VTI1A: variants seen among roughly 807,000 people sequenced by gnomAD.
VTI1A encodes the protein vesicle transport through interaction with t-SNAREs homolog 1A.
VTI1A carries 22 observed loss-of-function variants against 34.9 expected under a neutral mutation model. The observed-to-expected ratio is 0.63, with a 90% CI of 0.45 to 0.90. The LOEUF is 0.90. Ranked by LOEUF, VTI1A falls within the 40% of genes least tolerant of loss-of-function variation. The probability of loss-of-function intolerance (pLI) is 0.00; values close to 1 mark genes in which losing one functional copy is unlikely to be tolerated. For missense variants in VTI1A, 268 were observed against 275.6 expected (o/e 0.97, Z 0.20); for synonymous variants, 87 against 97.3 (o/e 0.89, Z 0.62).
intron 5 of VTI1A, among the ~76,000 whole-genome samples, chr10:112,618,514 T>TAGAGAGAGAGAGAGAGAG (rs1418805647): frequency 1.2e-4 from 5 of 42,518 alleles, no homozygotes; most frequent in East Asian, 9.3e-4. Flanking sequence ...TATATATATA[T>TAGAGAGAGAGAGAGAGAG]ATATATATAT....
chr10:112,790,636 T>C (rs2134054775), intron 7 of VTI1A, among the ~76,000 whole-genome samples: 1 of 152,292 alleles, frequency 6.6e-6, no homozygotes, highest in East Asian at 1.9e-4. Context: ...GGTAAAACCA[T>C]CATTCTAGCC....
At chr10:112,838,355 C>T in the VTI1A span, among the ~76,000 whole-genome samples, 1 of 152,168 alleles carries the variant, frequency 6.6e-6, no homozygotes, top group Non-Finnish European at 1.5e-5. Context: ...GCCTTCTGCA[C>T]AGACTGGGCA....
intron 1 of VTI1A, chr10:112,450,318 C>T (rs1847189561): frequency 6.6e-6 from 1 of 152,152 alleles, no homozygotes; most frequent in Admixed American, 6.5e-5. Context: ...TTATGAATTT[C>T]AGATGTATGT....
intron 1 of VTI1A, among the ~76,000 whole-genome samples, chr10:112,451,646 A>G (rs1847243831): frequency 6.6e-6 from 1 of 152,216 alleles, no homozygotes; most frequent in South Asian, 2.1e-4. Flanking sequence ...CTGGAAGGAA[A>G]TGCCTGAGTC....
At chr10:112,502,401 T>C (rs1227494705) in intron 3 of VTI1A, among the ~76,000 whole-genome samples, 1 of 152,162 alleles carries the variant, frequency 6.6e-6, no homozygotes, top group Non-Finnish European at 1.5e-5. Context: ...TCATATTTGC[T>C]TGTTGTTATC....
intron 5 of VTI1A, among the ~76,000 whole-genome samples, chr10:112,551,261 A>C (rs976046598): frequency 3.3e-5 from 5 of 151,574 alleles, no homozygotes; most frequent in East Asian, 1.9e-4. Flanking sequence ...AAAAAAAAAA[A>C]AAAAAAAACC....
At chr10:112,448,092 A>T (rs1847017887) in intron 1 of VTI1A, among the ~76,000 whole-genome samples, 1 of 152,230 alleles carries the variant, frequency 6.6e-6, no homozygotes, top group African/African-American at 2.4e-5. Flanking sequence ...AGTCTCTTTC[A>T]ACTTTCCTTC....
rs79110615 is a variant in VTI1A at position 112,512,783 on chromosome 10, C to G, written c.265-14304C>G. Among the ~76,000 whole-genome samples, 1,231 of 152,212 alleles carry G rather than the reference C, an allele frequency of 8.1e-3. 17 individuals are homozygous for G. Among genetic ancestry groups the G allele is most frequent in the African/African-American group, 0.028 (1,152 of 41,542 alleles). ...ATATGGATAGCTGATGTTCCCAGCA[C>G]CATTTATTGAAGAGCAAGTCCTTTC... On this transcript the variant is annotated intron_variant, in intron 3 of 7. Coordinates refer to ENST00000393077, the MANE Select transcript of VTI1A (RefSeq NM_145206.4).
chr10:112,811,403 G>A (rs1169021703), intron 7 of VTI1A, among the ~76,000 whole-genome samples: 2 of 152,108 alleles, frequency 1.3e-5, no homozygotes, highest in African/African-American at 4.8e-5. Context: ...CTAACATTAA[G>A]GTGAGTGCAG....
At chr10:112,617,159 C>T (rs1228285464) in intron 5 of VTI1A, among the ~76,000 whole-genome samples, 2 of 152,076 alleles carry the variant, frequency 1.3e-5, no homozygotes, top group East Asian at 3.9e-4. Flanking sequence ...AGACACATCA[C>T]CTATAAACAG....
rs910445839 is a variant in VTI1A at position 112,735,413 on chromosome 10, C to T, written c.560+66415C>T. ...ATCGGATTCCTTTTAAATTAAATGC[C>T]GAGTAAACAATGCAAATAAAACTAT... On this transcript the variant is annotated intron_variant, in intron 7 of 7. Coordinates refer to ENST00000393077, the MANE Select transcript of VTI1A (RefSeq NM_145206.4). Among the ~76,000 whole-genome samples, 8 of 152,238 alleles carry T rather than the reference C, an allele frequency of 5.3e-5. No homozygotes were observed. The South Asian group carries it at 8.3e-4, about 16-fold the overall frequency.
chr10:112,572,794 G>C (rs990554296), intron 5 of VTI1A, among the ~76,000 whole-genome samples: 2 of 149,624 alleles, frequency 1.3e-5, no homozygotes, highest in Non-Finnish European at 1.5e-5. Flanking sequence ...AGCCGAGATC[G>C]CGCCACTACA....
At chr10:112,498,938 A>G (rs1849124836) in intron 3 of VTI1A, among the ~76,000 whole-genome samples, 2 of 152,180 alleles carry the variant, frequency 1.3e-5, no homozygotes, top group African/African-American at 2.4e-5. Context: ...AATGTTTTCC[A>G]GTAGAGTTTT....
intron 7 of VTI1A, among the ~76,000 whole-genome samples, chr10:112,700,146 A>C (rs12783526): frequency 0.27 from 39,605 of 148,698 alleles, 5,585 homozygotes; most frequent in African/African-American, 0.36. Flanking sequence ...CAAAACAAAA[A>C]AAAAAAAACA....
chr10:112,447,522 G>A, intron 1 of VTI1A, 55 bp downstream of exon 1: 1 of 1,582,354 alleles, frequency 6.3e-7, no homozygotes, highest in African/African-American at 1.3e-5. Flanking sequence ...GAGGGTGCGG[G>A]CGGTGGAACG....
At chr10:112,502,904 T>C (rs1849292723) in intron 3 of VTI1A, among the ~76,000 whole-genome samples, 1 of 152,250 alleles carries the variant, frequency 6.6e-6, no homozygotes. Context: ...TTAGTATCCT[T>C]CAAGTAACTG....
chr10:112,811,069 T>C (rs1853271118), intron 7 of VTI1A, among the ~76,000 whole-genome samples: 1 of 152,180 alleles, frequency 6.6e-6, no homozygotes, highest in South Asian at 2.1e-4. Flanking sequence ...ACGGTAGCGT[T>C]ATCACTCAGG....
chr10:112,523,379 A>G (rs1159933472), intron 3 of VTI1A, among the ~76,000 whole-genome samples: 6 of 152,062 alleles, frequency 3.9e-5, no homozygotes, highest in Non-Finnish European at 7.4e-5. Flanking sequence ...ATAGCCATTG[A>G]AACTTGTGCA....
At chr10:112,558,985 A>G (rs1851627400) in intron 5 of VTI1A, among the ~76,000 whole-genome samples, 1 of 152,196 alleles carries the variant, frequency 6.6e-6, no homozygotes, top group East Asian at 1.9e-4. Context: ...AGAAGAAAAA[A>G]AAAGTGTTTC....
Sources: gnomAD v4.1 joint callset for allele counts (sites outside exome capture counted in the v4.1 genomes callset) on GRCh38, gnomAD v4.1.1 for gene constraint, MANE v1.5 for transcripts, NCBI Gene and HGNC (gene_info 2026-07-23, HGNC 2026-07-21) for gene names.